The following GRXCR2 variants were observed in gnomAD, a reference collection of about 807,000 sequenced individuals.
GRXCR2 encodes glutaredoxin and cysteine rich domain containing 2, also known as glutaredoxin domain-containing cysteine-rich protein 2.
In GRXCR2, 23 loss-of-function variants were observed where a neutral mutation model predicts 24.8. The ratio of observed to expected loss-of-function variants is 0.93; its 90% CI spans 0.67 to 1.32. The LOEUF (loss-of-function observed/expected upper bound fraction) is 1.32, where lower values mean the gene tolerates loss of function less well. Ranked by LOEUF, GRXCR2 falls within the 40% of genes most tolerant of loss-of-function variation. The pLI is 0.00. For missense variants in GRXCR2, 315 were observed against 303.4 expected (o/e 1.04, Z -0.28); for synonymous variants, 130 against 116.1 (o/e 1.12, Z -0.77).
At chr5:145,922,864 C>T (rs904254369) in intron 2 of GRXCR2, among the ~76,000 whole-genome samples, 2 of 152,224 alleles carry the variant, frequency 1.3e-5, no homozygotes, top group African/African-American at 2.4e-5. Flanking sequence ...TGGAAACTCA[C>T]TTTAGTTACG....
intron 2 of GRXCR2, among the ~76,000 whole-genome samples, chr5:145,901,998 GAGAAA>G (rs1757032186): frequency 6.6e-6 from 1 of 152,176 alleles, no homozygotes; most frequent in Non-Finnish European, 1.5e-5. Flanking sequence ...TGGAGGGAGT[GAGAAA>G]AGAAAAGACT....
intron 2 of GRXCR2, among the ~76,000 whole-genome samples, chr5:145,899,947 C>A (rs445710): frequency 0.08 from 12,143 of 152,034 alleles, 1,103 homozygotes; most frequent in African/African-American, 0.22. Flanking sequence ...AGCCAAAGAA[C>A]CTATCAATAG....
chr5:145,896,400 A>C (rs1402678862), intron 2 of GRXCR2, among the ~76,000 whole-genome samples: 1 of 152,234 alleles, frequency 6.6e-6, no homozygotes, highest in Non-Finnish European at 1.5e-5. Context: ...AAGGGCTAAT[A>C]TCCAGAATCT....
At chr5:145,912,480 C>T (rs2149925959) in intron 2 of GRXCR2, among the ~76,000 whole-genome samples, 1 of 152,278 alleles carries the variant, frequency 6.6e-6, no homozygotes, top group East Asian at 1.9e-4. Context: ...CAACAAAACC[C>T]CTGCCCTCGT....
upstream of GRXCR2, among the ~76,000 whole-genome samples, chr5:145,876,175 T>TTGTG (rs1756610059): frequency 9.4e-6 from 1 of 106,176 alleles, no homozygotes; most frequent in South Asian, 4.0e-4. Context: ...TCTTAAAAAA[T>TTGTG]TGTATGTGTG....
chr5:145,895,529 C>T (rs547611681), intron 2 of GRXCR2, among the ~76,000 whole-genome samples: 4 of 152,246 alleles, frequency 2.6e-5, no homozygotes, highest in South Asian at 4.1e-4. Flanking sequence ...CTCCCATTTA[C>T]TATTGCTTCA....
chr5:145,882,637 A>G (rs1388347184), intron 2 of GRXCR2, among the ~76,000 whole-genome samples: 3 of 152,202 alleles, frequency 2.0e-5, no homozygotes, highest in Non-Finnish European at 4.4e-5. Flanking sequence ...ATCTAGAACT[A>G]GAATTACCAT....
At chr5:145,870,008 T>A (rs1187711249) in intron 1 of GRXCR2, among the ~76,000 whole-genome samples, 2 of 152,166 alleles carry the variant, frequency 1.3e-5, no homozygotes, top group African/African-American at 2.4e-5. Flanking sequence ...AACATCAAGC[T>A]CAGGTTTGAC....
intron 2 of GRXCR2, among the ~76,000 whole-genome samples, chr5:145,882,865 C>A (rs1031581937): frequency 6.6e-6 from 1 of 152,062 alleles, no homozygotes; most frequent in Non-Finnish European, 1.5e-5. Context: ...AGTCCATGTC[C>A]TTTGCAGGGA....
Position 145,911,932 on chromosome 5 carries a change from TACA to T in GRXCR2, c.-70+23766_-70+23768del, listed in dbSNP as rs573526854. 4.7e-3 allele frequency among the ~76,000 whole-genome samples: 720 copies of T among 152,090 alleles called. 4 individuals carry two copies. The highest frequency in any genetic ancestry group is 7.3e-3 in the Non-Finnish European group (496 of 67,952). On this transcript the variant is annotated intron_variant, in intron 2 of 3. Transcript: ENST00000639411. ...AGTGAGACCCCATCTGTACAAAAAA[TACA>T]ACAACAAAAAAATTAGCCCAGTATG...
chr5:145,929,503 C>A (rs1757451869), intron 2 of GRXCR2, among the ~76,000 whole-genome samples: 1 of 151,880 alleles, frequency 6.6e-6, no homozygotes. Context: ...CACAACTTCC[C>A]CCAATCATAA....
rs1479656797 is a variant in GRXCR2, at chr5:145,859,361, T to G, written c.*372A>C. ...TTCATCAGAAACCTGCCTTTTTTAC[T>G]CCTTTCTCACCACATAATTTTGCAA... On this transcript the variant is annotated 3_prime_UTR_variant, in exon 3 of 3. Coordinates refer to ENST00000377976, the MANE Select transcript of GRXCR2 (RefSeq NM_001080516.2). The G allele has an allele frequency of 5.0e-6, 1 of 198,116 alleles. No homozygotes were observed. The highest frequency in any genetic ancestry group is 1.0e-5 in the Non-Finnish European group (1 of 96,784). 12.3% of individuals were successfully genotyped at this position (198,116 alleles called of 1,614,324 possible).
At chr5:145,902,819 C>G (rs373852018) in intron 2 of GRXCR2, among the ~76,000 whole-genome samples, 1 of 152,156 alleles carries the variant, frequency 6.6e-6, no homozygotes, top group Non-Finnish European at 1.5e-5. Context: ...CCCTCATGAC[C>G]ACACTATAAG....
chr5:145,914,180 T>C (rs1757204058), intron 2 of GRXCR2, among the ~76,000 whole-genome samples: 1 of 152,126 alleles, frequency 6.6e-6, no homozygotes, highest in African/African-American at 2.4e-5. Context: ...AAGTTGGGGC[T>C]TCCAGTATAA....
intron 2 of GRXCR2, among the ~76,000 whole-genome samples, chr5:145,917,982 G>A (rs901798360): frequency 6.6e-6 from 1 of 152,160 alleles, no homozygotes; most frequent in South Asian, 2.1e-4. Context: ...GCTTCACCAT[G>A]TTGGCCAGGA....
intron 2 of GRXCR2, among the ~76,000 whole-genome samples, chr5:145,927,445 T>C (rs548437678): frequency 3.0e-4 from 46 of 152,338 alleles, no homozygotes; most frequent in Non-Finnish European, 3.7e-4. Context: ...TGAAGCGTTG[T>C]TGAATTGTGT....
At chr5:145,880,561 A>C (rs1323995232) in intron 2 of GRXCR2, among the ~76,000 whole-genome samples, 1 of 152,204 alleles carries the variant, frequency 6.6e-6, no homozygotes, top group Non-Finnish European at 1.5e-5. Context: ...AACCAAAAAA[A>C]GTCCAGGACC....
chr5:145,883,894 T>G (rs897251039), intron 2 of GRXCR2, among the ~76,000 whole-genome samples: 1 of 152,204 alleles, frequency 6.6e-6, no homozygotes, highest in Non-Finnish European at 1.5e-5. Context: ...AGTTGGCTTA[T>G]GTAGTAGTAA....
intron 1 of GRXCR2, among the ~76,000 whole-genome samples, chr5:145,868,215 T>C (rs551658771): frequency 6.6e-6 from 1 of 152,306 alleles, no homozygotes; most frequent in East Asian, 1.9e-4. Flanking sequence ...TTTAAAATTA[T>C]TCTTCTGTAG....
Sources: gnomAD v4.1 joint callset for allele counts (sites outside exome capture counted in the v4.1 genomes callset) on GRCh38, gnomAD v4.1.1 for gene constraint, MANE v1.5 for transcripts, NCBI Gene and HGNC (gene_info 2026-07-23, HGNC 2026-07-21) for gene names.